APBA1: variants seen among roughly 807,000 people sequenced by gnomAD.
The protein encoded by APBA1 is amyloid beta precursor protein binding family A member 1.
A neutral mutation model predicts 86.6 loss-of-function variants in APBA1; 55 were observed. The observed-to-expected ratio is 0.64, with a 90% CI of 0.51 to 0.80. The LOEUF (loss-of-function observed/expected upper bound fraction) is 0.80. Ranked by LOEUF, APBA1 falls within the 30% of genes least tolerant of loss-of-function variation. APBA1 has a pLI of 0.00. For missense variants in APBA1, 1,090 were observed against 1,183.0 expected, an observed-to-expected ratio of 0.92 and a Z score of 1.15; for synonymous variants, 511 against 493.9, an observed-to-expected ratio of 1.03 and a Z score of -0.46.
At chr9:69,445,157 G>A (rs181051799) in intron 10 of APBA1, among the ~76,000 whole-genome samples, 21 of 152,284 alleles carry the variant, frequency 1.4e-4, no homozygotes, top group African/African-American at 4.8e-4. Flanking sequence ...TCTCAATGTT[G>A]CCTAAAAAAT....
intron 2 of APBA1, among the ~76,000 whole-genome samples, chr9:69,487,764 C>T (rs914552): frequency 1.3e-5 from 2 of 151,952 alleles, no homozygotes; most frequent in African/African-American, 2.4e-5. Flanking sequence ...TTACCAGAAG[C>T]AGCCCCTCCA....
At chr9:69,564,951 G>A (rs1169865047) in intron 1 of APBA1, among the ~76,000 whole-genome samples, 1 of 152,198 alleles carries the variant, frequency 6.6e-6, no homozygotes. Context: ...TGATAGTACA[G>A]TAATCCTTTC....
At chr9:69,504,866 C>T (rs1041206596) in intron 2 of APBA1, among the ~76,000 whole-genome samples, 2 of 152,016 alleles carry the variant, frequency 1.3e-5, no homozygotes, top group Non-Finnish European at 1.5e-5. Context: ...GGAGGAGTCG[C>T]CTAGCTTCAT....
At chr9:69,636,922 G>GGAAGGAAGGAAAGACA (rs1331913719) in intron 1 of APBA1, among the ~76,000 whole-genome samples, 7 of 63,970 alleles carry the variant, frequency 1.1e-4, no homozygotes, top group Non-Finnish European at 1.9e-4. Flanking sequence ...AAGGAAGGAA[G>GGAAGGAAGGAAAGACA]GAAAGAAAGA....
At chr9:69,464,420 C>CA (rs1835243101) in intron 5 of APBA1, 1 of 152,224 alleles carries the variant, frequency 6.6e-6, no homozygotes, top group African/African-American at 2.4e-5. Flanking sequence ...ATGAATTCCT[C>CA]ACGCCAGAGT....
At chr9:69,532,711 T>C (rs1330423527) in intron 1 of APBA1, among the ~76,000 whole-genome samples, 1 of 152,192 alleles carries the variant, frequency 6.6e-6, no homozygotes, top group African/African-American at 2.4e-5. Context: ...CAGTGTACAA[T>C]ACCAAACCTC....
intron 1 of APBA1, among the ~76,000 whole-genome samples, chr9:69,576,927 T>A (rs1473726921): frequency 6.6e-6 from 1 of 152,148 alleles, no homozygotes; most frequent in African/African-American, 2.4e-5. Flanking sequence ...TTATTAAAAA[T>A]AATTTTCAAA....
chr9:69,439,888 T>C (rs898011019), intron 11 of APBA1, among the ~76,000 whole-genome samples: 1 of 152,220 alleles, frequency 6.6e-6, no homozygotes, highest in African/African-American at 2.4e-5. Context: ...GTTTTTCTGC[T>C]CTGTTTTTTC....
At chr9:69,607,051 C>T (rs1469164908) in intron 1 of APBA1, among the ~76,000 whole-genome samples, 1 of 152,186 alleles carries the variant, frequency 6.6e-6, no homozygotes, top group Non-Finnish European at 1.5e-5. Flanking sequence ...ATTGTATTTG[C>T]TTCACAAATG....
chr9:69,473,832 C>A (rs937420710), intron 3 of APBA1, among the ~76,000 whole-genome samples: 7 of 151,948 alleles, frequency 4.6e-5, no homozygotes, highest in African/African-American at 1.5e-4. Flanking sequence ...TTCTTAGTCT[C>A]TGGGGTAGTA....
intron 10 of APBA1, among the ~76,000 whole-genome samples, chr9:69,449,037 T>C (rs1374808162): frequency 6.6e-6 from 1 of 152,210 alleles, no homozygotes; most frequent in Admixed American, 6.5e-5. Context: ...AAAGCTTCCA[T>C]GGACTGGAAG....
chr9:69,471,429 A>G (rs755298597), intron 4 of APBA1, among the ~76,000 whole-genome samples: 1 of 152,156 alleles, frequency 6.6e-6, no homozygotes, highest in African/African-American at 2.4e-5. Context: ...TTCGACTCCA[A>G]TTTCAGAGTC....
intron 1 of APBA1, among the ~76,000 whole-genome samples, chr9:69,536,246 C>G (rs565542398): frequency 1.0e-3 from 153 of 149,384 alleles, no homozygotes; most frequent in African/African-American, 3.6e-3. Context: ...TATATGGAAC[C>G]CCTAAAACTG....
chr9:69,613,160 C>T (rs781558627), intron 1 of APBA1, among the ~76,000 whole-genome samples: 16 of 151,678 alleles, frequency 1.1e-4, no homozygotes, highest in Non-Finnish European at 2.1e-4. Flanking sequence ...AAATATTGAG[C>T]TTTGATATTA....
chr9:69,525,359 A>G (rs1194816324), intron 1 of APBA1, among the ~76,000 whole-genome samples: 2 of 152,156 alleles, frequency 1.3e-5, no homozygotes, highest in Non-Finnish European at 1.5e-5. Flanking sequence ...AGGCTCCTAG[A>G]ACTGATAAAT....
At chr9:69,579,081 C>T (rs1421437860) in intron 1 of APBA1, among the ~76,000 whole-genome samples, 1 of 151,840 alleles carries the variant, frequency 6.6e-6, no homozygotes, top group Non-Finnish European at 1.5e-5. Flanking sequence ...TAAGTGAGTA[C>T]AGCTTAAAAC....
intron 1 of APBA1, among the ~76,000 whole-genome samples, chr9:69,570,749 T>A (rs946357092): frequency 6.6e-6 from 1 of 152,122 alleles, no homozygotes; most frequent in African/African-American, 2.4e-5. Flanking sequence ...ATTGTGTATC[T>A]CTCTCCCCAT....
intron 1 of APBA1, among the ~76,000 whole-genome samples, chr9:69,600,419 T>C (rs1475669726): frequency 1.3e-5 from 2 of 152,188 alleles, no homozygotes; most frequent in African/African-American, 4.8e-5. Flanking sequence ...AGAAGCTCTT[T>C]ATGAGAAAGC....
At chr9:69,435,925 G>A (rs9721614) in intron 11 of APBA1, among the ~76,000 whole-genome samples, 9,276 of 152,036 alleles carry the variant, frequency 0.061, 975 homozygotes, top group African/African-American at 0.21. Context: ...CTAACATGTA[G>A]GTCTTTAATC....
Sources: gnomAD v4.1 joint callset for allele counts (sites outside exome capture counted in the v4.1 genomes callset) on GRCh38, gnomAD v4.1.1 for gene constraint, MANE v1.5 for transcripts, NCBI Gene and HGNC (gene_info 2026-07-23, HGNC 2026-07-21) for gene names.